MAP3K13: variants seen among roughly 807,000 people sequenced by gnomAD.
MAP3K13 encodes mitogen-activated protein kinase kinase kinase 13.
MAP3K13 carries 52 observed loss-of-function variants against 104.0 expected under a neutral mutation model. The ratio of observed to expected loss-of-function variants is 0.50; its 90% CI spans 0.40 to 0.63. The LOEUF (loss-of-function observed/expected upper bound fraction) is 0.63. Ranked by LOEUF, MAP3K13 falls within the 20% of genes least tolerant of loss-of-function variation. The pLI, the probability that MAP3K13 is intolerant of heterozygous loss-of-function variation, is 0.00. For synonymous variants in MAP3K13, 394 were observed against 442.2 expected (o/e 0.89, Z 1.37); for missense variants, 914 against 1,218.5 (o/e 0.75, Z 3.72).
chr3:185,331,186 C>T (rs1722261028), intron 2 of MAP3K13, among the ~76,000 whole-genome samples: 1 of 149,452 alleles, frequency 6.7e-6, no homozygotes, highest in African/African-American at 2.5e-5. Flanking sequence ...CTCTGCCTCC[C>T]GGGTTCAAGC....
At chr3:185,348,775 G>A (rs947493333) in intron 2 of MAP3K13, among the ~76,000 whole-genome samples, 2 of 152,084 alleles carry the variant, frequency 1.3e-5, no homozygotes, top group African/African-American at 2.4e-5. Flanking sequence ...AAATTAGCTG[G>A]GCGTGGTGGC....
rs540386741 is a variant in MAP3K13, at chr3:185,349,267, C to A, written c.-86+63624C>A. 3.9e-5 allele frequency among the ~76,000 whole-genome samples: 6 copies of A among 152,102 alleles called. No homozygotes were observed. In the East Asian group the frequency reaches 1.2e-3, roughly 29 times the overall value. ...AATACCCAGGAGATGGTTTTTCAGTCCTTGCTCTCCTCCCTCCCTTCCTCA... is the reference window on the plus strand; with the variant it reads ...AATACCCAGGAGATGGTTTTTCAGTACTTGCTCTCCTCCCTCCCTTCCTCA... On this transcript the variant is annotated intron_variant, in intron 2 of 14. Coordinates refer to the MAP3K13 transcript ENST00000424227.
chr3:185,300,541 G>C (rs1302600514), intron 2 of MAP3K13, among the ~76,000 whole-genome samples: 1 of 150,708 alleles, frequency 6.6e-6, no homozygotes, highest in East Asian at 2.0e-4. Context: ...GCCCAGGCTG[G>C]AGTGCAATGG....
intron 2 of MAP3K13, among the ~76,000 whole-genome samples, chr3:185,338,902 A>G (rs13078521): frequency 1.3e-5 from 2 of 152,218 alleles, no homozygotes; most frequent in African/African-American, 4.8e-5. Flanking sequence ...AAAAATAATA[A>G]CAATGTATAA....
In MAP3K13 at chr3:185,447,904, G is replaced by A. The variant is rs1715681340; in HGVS notation, c.967G>A (p.Glu323Lys). ...FAGTVAWMAP[E>K]VIRNEPVSEK... ...TGGCACGGTCGCATGGATGGCGCCA[G>A]AGGTGATACGGAATGAACCTGTCTC... Residue 323 changes from glutamate (E) to lysine (K), a missense_variant, in exon 5 of 14, where the codon GAG becomes AAG. Physicochemically the swap from Glu to Lys is moderately conservative, Grantham distance 56 (BLOSUM62 1). Around this residue, in one of 3 missense-constraint regions of MAP3K13, gnomAD observed 175 missense variants for 321.3 expected, o/e 0.54. Transcript: ENST00000265026. The A allele has an allele frequency of 6.2e-7, 1 of 1,613,690 alleles. No individual in the cohort carries two copies. The highest frequency in any genetic ancestry group is 8.5e-7 in the Non-Finnish European group (1 of 1,179,878).
chr3:185,396,973 C>T (rs187022073), intron 1 of MAP3K13, among the ~76,000 whole-genome samples: 3 of 152,260 alleles, frequency 2.0e-5, no homozygotes, highest in South Asian at 2.1e-4. Flanking sequence ...GTTAACATAA[C>T]ATCAAACATT....
At chr3:185,455,574 A>ATATATGTGACATATATAT (rs1716553686) in intron 7 of MAP3K13, among the ~76,000 whole-genome samples, 439 of 5,898 alleles carry the variant, frequency 0.074, 125 homozygotes, top group Non-Finnish European at 0.15. Context: ...GATATATATG[A>ATATATGTGACATATATAT]CATATATATG....
At chr3:185,453,157 G>A (rs915815907) in intron 7 of MAP3K13, among the ~76,000 whole-genome samples, 19 of 152,116 alleles carry the variant, frequency 1.2e-4, no homozygotes, top group African/African-American at 4.3e-4. Flanking sequence ...ATATCAAAAG[G>A]AATGGAACTA....
intron 2 of MAP3K13, among the ~76,000 whole-genome samples, chr3:185,338,075 T>C (rs954506734): frequency 6.6e-6 from 1 of 152,016 alleles, no homozygotes; most frequent in Admixed American, 6.5e-5. Context: ...ACACCTGTAA[T>C]CCCAGCACTT....
chr3:185,394,695 T>A (rs1275092060), intron 1 of MAP3K13, among the ~76,000 whole-genome samples: 1 of 152,124 alleles, frequency 6.6e-6, no homozygotes, highest in Non-Finnish European at 1.5e-5. Context: ...TTAGGAAAGG[T>A]TTTTAAAGTA....
chr3:185,481,572 T>C lies in MAP3K13; in HGVS notation c.2800-783T>C, dbSNP rs183228644. Among the ~76,000 whole-genome samples, 8 of 152,252 alleles carry C rather than the reference T, an allele frequency of 5.3e-5. No individual in the cohort carries two copies. In the East Asian group the frequency reaches 1.5e-3, roughly 29 times the overall value. ...CTGGATGATGCCATCATAGGACATATAGCACTTTATTTCATATTCAGGACT... is the reference window on the plus strand; with the variant it reads ...CTGGATGATGCCATCATAGGACATACAGCACTTTATTTCATATTCAGGACT... On this transcript the variant is annotated intron_variant, in intron 13 of 13. Coordinates refer to ENST00000265026, the MANE Select transcript of MAP3K13 (RefSeq NM_004721.5).
Position 185,424,465 on chromosome 3 carries a change from T to G in MAP3K13, c.-85-4032T>G, listed in dbSNP as rs140793457. Among the ~76,000 whole-genome samples the G allele has an allele frequency of 6.2e-3, 937 of 152,314 alleles. 12 individuals are homozygous for G. The highest frequency in any genetic ancestry group is 0.021 in the African/African-American group (870 of 41,576). The stretch of plus-strand genomic sequence containing the variant: ...AGTATATTACTTTAGAGAAATTTCT[T>G]CTCTTGTGAAATAGAAATGACATTA... On this transcript the variant is annotated intron_variant, in intron 1 of 13. Coordinates refer to ENST00000265026, the MANE Select transcript of MAP3K13 (RefSeq NM_004721.5).
chr3:185,345,666 C>T (rs1722894882), intron 2 of MAP3K13, among the ~76,000 whole-genome samples: 1 of 152,164 alleles, frequency 6.6e-6, no homozygotes, highest in African/African-American at 2.4e-5. Context: ...CATTGTCTCC[C>T]ATCACCTCCA....
At chr3:185,346,452 G>A (rs1228487411) in intron 2 of MAP3K13, among the ~76,000 whole-genome samples, 3 of 152,094 alleles carry the variant, frequency 2.0e-5, no homozygotes, top group Non-Finnish European at 4.4e-5. Flanking sequence ...TTCACACTTT[G>A]TCATGAATAT....
Position 185,450,059 on chromosome 3 carries a change from G to C in MAP3K13, c.1169+1G>C. The C allele has an allele frequency of 6.2e-7, 1 of 1,606,302 alleles. No homozygotes were observed. The highest frequency in any genetic ancestry group is 8.5e-7 in the Non-Finnish European group (1 of 1,177,192). On this transcript the variant is annotated splice_donor_variant, in intron 6 of 13. Transcript: ENST00000265026. LOFTEE classifies it high-confidence loss of function. This position sits in a 1 kb window ranked among gnomAD's most constrained non-coding sequence, Gnocchi z 4.2. ...TCAAAATCCTTATGAAACAGACGTG[G>C]TAAGAATATTGTCTCTAAAACAATA...
intron 1 of MAP3K13, among the ~76,000 whole-genome samples, chr3:185,387,792 T>C (rs1560078715): frequency 1.3e-5 from 2 of 152,086 alleles, no homozygotes; most frequent in Non-Finnish European, 2.9e-5. Flanking sequence ...TCATTCAACA[T>C]AGCATGGGAA....
At chr3:185,347,197 G>A (rs1722961320) in intron 2 of MAP3K13, among the ~76,000 whole-genome samples, 2 of 151,976 alleles carry the variant, frequency 1.3e-5, no homozygotes, top group South Asian at 4.2e-4. Flanking sequence ...ATGTTGGCCA[G>A]GATGGTCTTG....
intron 2 of MAP3K13, among the ~76,000 whole-genome samples, chr3:185,319,521 T>G (rs1018191105): frequency 3.9e-5 from 6 of 152,224 alleles, no homozygotes; most frequent in Non-Finnish European, 7.3e-5. Flanking sequence ...TGTCACCCAT[T>G]CATTGCATAC....
chr3:185,476,182 C>G (rs1718114119), intron 11 of MAP3K13, among the ~76,000 whole-genome samples: 1 of 151,884 alleles, frequency 6.6e-6, no homozygotes, highest in African/African-American at 2.4e-5. Context: ...ATTGTGATAC[C>G]ATCTACGGGT....
Sources: gnomAD v4.1 joint callset for allele counts (sites outside exome capture counted in the v4.1 genomes callset) on GRCh38, gnomAD v4.1.1 for gene constraint, gnomAD v4.1.1 regional missense constraint, Gnocchi (gnomAD v3.1) non-coding constraint, MANE v1.5 for transcripts, NCBI Gene and HGNC (gene_info 2026-07-23, HGNC 2026-07-21) for gene names.